The following SLIT2 variants were observed in gnomAD, a reference collection of about 807,000 sequenced individuals.
The protein encoded by SLIT2 is slit homolog 2 protein.
In SLIT2, 41 loss-of-function variants were observed where a neutral mutation model predicts 185.7. The observed-to-expected ratio is 0.22, with a 90% CI of 0.17 to 0.29. SLIT2 has a LOEUF of 0.29. Among genes scored for constraint, SLIT2 ranks in the 10% least tolerant of loss-of-function variants. The pLI, the probability that SLIT2 is intolerant of heterozygous loss-of-function variation, is 1.00. For missense variants in SLIT2, 1,571 were observed against 1,909.0 expected (o/e 0.82, Z 3.30); for synonymous variants, 693 against 680.2 (o/e 1.02, Z -0.29).
intron 4 of SLIT2, among the ~76,000 whole-genome samples, chr4:20,295,411 A>G (rs1456902584): frequency 6.6e-6 from 1 of 152,158 alleles, no homozygotes; most frequent in Non-Finnish European, 1.5e-5. Flanking sequence ...ATTTAACTTT[A>G]ATTTGAACAA....
At chr4:20,485,844 C>T (rs1028456328) in intron 6 of SLIT2, among the ~76,000 whole-genome samples, 7 of 152,158 alleles carry the variant, frequency 4.6e-5, no homozygotes, top group Admixed American at 1.3e-4. Context: ...TGCCACTCTA[C>T]GGAAATGTAA....
chr4:20,382,422 A>G (rs538830463), intron 4 of SLIT2, among the ~76,000 whole-genome samples: 1 of 152,252 alleles, frequency 6.6e-6, no homozygotes, highest in Admixed American at 6.5e-5. Flanking sequence ...TTTTGTAGAA[A>G]ATCTTGAGGA....
chr4:20,478,565 G>A (rs938226439), intron 5 of SLIT2, among the ~76,000 whole-genome samples: 2 of 152,224 alleles, frequency 1.3e-5, no homozygotes, highest in African/African-American at 2.4e-5. Flanking sequence ...GCATGATTTA[G>A]AAGAAGCTGT....
chr4:20,399,271 T>C (rs890851316), intron 4 of SLIT2, among the ~76,000 whole-genome samples: 2 of 151,698 alleles, frequency 1.3e-5, no homozygotes, highest in African/African-American at 4.8e-5. Context: ...AAGAAAAATA[T>C]TTTGTTCAAG....
At chr4:20,395,074 GATAAACAAGATGGAA>G (rs1319641279) in intron 4 of SLIT2, among the ~76,000 whole-genome samples, 1 of 151,902 alleles carries the variant, frequency 6.6e-6, no homozygotes, top group African/African-American at 2.4e-5. Flanking sequence ...TTTACTCTAA[GATAAACAAGATGGAA>G]ATAGATTTAC....
chr4:20,320,876 A>G (rs1324456637), intron 4 of SLIT2, among the ~76,000 whole-genome samples: 1 of 152,146 alleles, frequency 6.6e-6, no homozygotes, highest in East Asian at 1.9e-4. Context: ...ATAAAAGCTA[A>G]ATTTAGGCCA....
chr4:20,273,578 T>C (rs926057258), intron 4 of SLIT2, among the ~76,000 whole-genome samples: 1 of 152,126 alleles, frequency 6.6e-6, no homozygotes, highest in African/African-American at 2.4e-5. Flanking sequence ...AAGGATAACT[T>C]GGTCAATTAA....
At chr4:20,463,252 C>A (rs1221042352) in intron 4 of SLIT2, among the ~76,000 whole-genome samples, 1 of 151,728 alleles carries the variant, frequency 6.6e-6, no homozygotes, top group Non-Finnish European at 1.5e-5. Flanking sequence ...CTTTCCCCAG[C>A]GTTGAAGGCT....
intron 4 of SLIT2, among the ~76,000 whole-genome samples, chr4:20,360,014 G>A (rs948858195): frequency 9.9e-5 from 15 of 152,000 alleles, no homozygotes; most frequent in Admixed American, 6.6e-5. Flanking sequence ...GAAATGGTAT[G>A]GTACCTAGGT....
chr4:20,354,153 T>C (rs1250566789), intron 4 of SLIT2, among the ~76,000 whole-genome samples: 2 of 152,136 alleles, frequency 1.3e-5, no homozygotes, highest in Non-Finnish European at 1.5e-5. Flanking sequence ...CATCAATTTG[T>C]CATTTTTGTA....
At chr4:20,426,765 T>G (rs1214197591) in intron 4 of SLIT2, among the ~76,000 whole-genome samples, 1 of 152,140 alleles carries the variant, frequency 6.6e-6, no homozygotes, top group African/African-American at 2.4e-5. Flanking sequence ...TATTTGATAA[T>G]GATGATAAAA....
chr4:20,609,072 T>G (rs927723763), intron 33 of SLIT2, among the ~76,000 whole-genome samples: 2 of 152,192 alleles, frequency 1.3e-5, no homozygotes, highest in African/African-American at 2.4e-5. Flanking sequence ...GTTTCATTGG[T>G]CTGGTTTGCT....
intron 34 of SLIT2, among the ~76,000 whole-genome samples, chr4:20,611,497 G>A (rs867163775): frequency 4.6e-5 from 7 of 152,222 alleles, no homozygotes; most frequent in Middle Eastern, 3.2e-3. Context: ...GCATCTTCAA[G>A]TAACTATAAT....
At chr4:20,568,705 G>C (rs575277843) in intron 28 of SLIT2, among the ~76,000 whole-genome samples, 160 bp from the exon 29 acceptor site, 1 of 152,044 alleles carries the variant, frequency 6.6e-6, no homozygotes, top group South Asian at 2.1e-4. Flanking sequence ...TTAAATTGAT[G>C]TTTACAACAT....
intron 25 of SLIT2, among the ~76,000 whole-genome samples, chr4:20,553,374 C>T (rs1577913868): frequency 6.6e-6 from 1 of 152,286 alleles, no homozygotes; most frequent in African/African-American, 2.4e-5. Context: ...TGCTAATCTC[C>T]TCTGCAGCAG....
chr4:20,592,840 T>A (rs1018315064), intron 30 of SLIT2, among the ~76,000 whole-genome samples: 8 of 152,330 alleles, frequency 5.3e-5, no homozygotes, highest in African/African-American at 1.7e-4. Flanking sequence ...TTGCTATGAT[T>A]TAGCATTAAA....
intron 6 of SLIT2, among the ~76,000 whole-genome samples, chr4:20,483,228 A>G (rs1172383214): frequency 6.6e-6 from 1 of 152,014 alleles, no homozygotes; most frequent in African/African-American, 2.4e-5. Context: ...AAAATGAGGT[A>G]ATGGCCCTTG....
At chr4:20,515,164 A>G (rs1166830827) in intron 11 of SLIT2, among the ~76,000 whole-genome samples, 1 of 152,168 alleles carries the variant, frequency 6.6e-6, no homozygotes, top group Admixed American at 6.6e-5. Flanking sequence ...AGGCTGAGCT[A>G]GTTACTAAAT....
intron 32 of SLIT2, 103 bp downstream of exon 32, chr4:20,596,758 TAGAC>T (rs1444688133): frequency 1.7e-6 from 2 of 1,178,904 alleles, no homozygotes; most frequent in South Asian, 1.6e-5. Context: ...ATGTCTTAAA[TAGAC>T]AGTTAAAAAC....
Sources: gnomAD v4.1 joint callset for allele counts (sites outside exome capture counted in the v4.1 genomes callset) on GRCh38, gnomAD v4.1.1 for gene constraint, MANE v1.5 for transcripts, NCBI Gene and HGNC (gene_info 2026-07-23, HGNC 2026-07-21) for gene names.